The following WDR72 variants were observed in gnomAD, a reference collection of about 807,000 sequenced individuals.
The protein encoded by WDR72 is WD repeat domain 72, also known as WD repeat-containing protein 72.
Under a neutral mutation model 124.2 loss-of-function variants are expected in WDR72, and 120 were observed. The observed-to-expected ratio is 0.97, with a 90% CI of 0.83 to 1.12. WDR72 has a LOEUF of 1.12. Ranked by LOEUF, WDR72 falls within the 50% of genes most tolerant of loss-of-function variation. WDR72 has a pLI of 0.00. For missense variants in WDR72, 1,387 were observed against 1,278.8 expected, an observed-to-expected ratio of 1.08 and a Z score of -1.29; for synonymous variants, 452 against 441.7, an observed-to-expected ratio of 1.02 and a Z score of -0.29.
chr15:53,587,609 G>A (rs1469291289), intron 18 of WDR72, among the ~76,000 whole-genome samples: 1 of 151,976 alleles, frequency 6.6e-6, no homozygotes, highest in Admixed American at 6.6e-5. Flanking sequence ...AGATTTTCAA[G>A]GGAGCATTAC....
chr15:53,581,652 A>C (rs1169045987), intron 18 of WDR72, among the ~76,000 whole-genome samples: 1 of 152,072 alleles, frequency 6.6e-6, no homozygotes, highest in Non-Finnish European at 1.5e-5. Context: ...AGAAGATCCC[A>C]TATGAAGATG....
At chr15:53,710,832 G>A (rs751292108) in intron 9 of WDR72, 25 bp downstream of exon 9, 43 of 1,545,248 alleles carry the variant, frequency 2.8e-5, no homozygotes, top group African/African-American at 2.7e-5. Context: ...ACAGCTTTGA[G>A]GCAGTCACTC....
chr15:53,697,844 T>C (rs920328573), intron 13 of WDR72, among the ~76,000 whole-genome samples: 1 of 152,202 alleles, frequency 6.6e-6, no homozygotes, highest in Non-Finnish European at 1.5e-5. Flanking sequence ...AGACTCGCTC[T>C]GTCGCCCAGG....
chr15:53,756,185 G>A (rs2018899016), intron 1 of WDR72, among the ~76,000 whole-genome samples: 1 of 152,118 alleles, frequency 6.6e-6, no homozygotes, highest in Non-Finnish European at 1.5e-5. Context: ...GAATCATGAG[G>A]ATGGTTTCCC....
intron 1 of WDR72, among the ~76,000 whole-genome samples, chr15:53,758,706 A>G (rs1411575195): frequency 2.8e-5 from 4 of 141,806 alleles, no homozygotes; most frequent in African/African-American, 1.0e-4. Context: ...TCAGGTAAAA[A>G]GATCCCCAAC....
At chr15:53,669,613 T>C (rs1276825768) in intron 13 of WDR72, among the ~76,000 whole-genome samples, 2 of 152,180 alleles carry the variant, frequency 1.3e-5, no homozygotes, top group African/African-American at 4.8e-5. Flanking sequence ...CTATGACAAA[T>C]CACTTATGAT....
rs373078359 is a variant in WDR72 at position 53,673,597 on chromosome 15, A to G, written c.1766-7829T>C. The stretch of plus-strand genomic sequence containing the variant: ...AAGCACATATATTGTAAACCAATGA[A>G]TCTCAAACAAATTTGTTTCATAGAA... On this transcript the variant is annotated intron_variant, in intron 13 of 19. Coordinates refer to ENST00000360509, the MANE Select transcript of WDR72 (RefSeq NM_182758.4). Among the ~76,000 whole-genome samples the G allele has an allele frequency of 4.7e-4, 71 of 152,354 alleles. No individual in the cohort carries two copies. The East Asian group carries it at 0.011, about 24-fold the overall frequency.
intron 14 of WDR72, among the ~76,000 whole-genome samples, chr15:53,646,754 G>T (rs915160833): frequency 2.6e-5 from 4 of 151,914 alleles, no homozygotes; most frequent in Middle Eastern, 3.4e-3. Context: ...TCCTCTCTAG[G>T]AACTGAAATA....
In WDR72 at chr15:53,615,944, A is replaced by ATCTCCTTGGGCCAGGCTT; in HGVS notation, c.2244_2261dup (p.Glu748_Gly753dup). On this transcript the variant is annotated inframe_insertion, in exon 15 of 20. Coordinates refer to ENST00000360509, the MANE Select transcript of WDR72 (RefSeq NM_182758.4). ...TTTCTTCTGAGAATTTGATGGTATT[A>ATCTCCTTGGGCCAGGCTT]TCTCCTTGGGCCAGGCTTTCAGTAA... 6.2e-7 allele frequency: 1 copy of ATCTCCTTGGGCCAGGCTT among 1,613,396 alleles called. No individual in the cohort carries two copies. The highest frequency in any genetic ancestry group is 8.5e-7 in the Non-Finnish European group (1 of 1,179,646).
At chr15:53,738,811 T>G (rs920310708) in intron 1 of WDR72, among the ~76,000 whole-genome samples, 6 of 152,192 alleles carry the variant, frequency 3.9e-5, no homozygotes, top group African/African-American at 1.2e-4. Context: ...TTCACCTTGT[T>G]GGCGAAGCTG....
intron 18 of WDR72, among the ~76,000 whole-genome samples, chr15:53,550,696 G>T (rs1337636662): frequency 6.6e-6 from 1 of 152,172 alleles, no homozygotes; most frequent in Non-Finnish European, 1.5e-5. Flanking sequence ...TTAGAGACTT[G>T]CTCAGATAAA....
chr15:53,720,655 CTG>C (rs1202016918), intron 3 of WDR72, among the ~76,000 whole-genome samples: 1 of 152,172 alleles, frequency 6.6e-6, no homozygotes, highest in Non-Finnish European at 1.5e-5. Flanking sequence ...GATTTCACTG[CTG>C]TCATTACAGT....
intron 1 of WDR72, among the ~76,000 whole-genome samples, chr15:53,758,699 G>T (rs1292660652): frequency 7.7e-6 from 1 of 129,994 alleles, no homozygotes; most frequent in Non-Finnish European, 1.5e-5. Context: ...AAACACTTCA[G>T]GTAAAAAGAT....
intron 13 of WDR72, among the ~76,000 whole-genome samples, chr15:53,668,935 G>GAGGGGGAGGAGC (rs2015877095): frequency 2.3e-5 from 1 of 43,254 alleles, no homozygotes; most frequent in African/African-American, 5.0e-5. Context: ...GAAGGAGGAG[G>GAGGGGGAGGAGC]AGGAGGAGGA....
chr15:53,573,397 G>T (rs746388748), intron 18 of WDR72, among the ~76,000 whole-genome samples: 5 of 151,962 alleles, frequency 3.3e-5, no homozygotes, highest in Non-Finnish European at 5.9e-5. Context: ...AATAATCTTG[G>T]AGTCTAATTC....
chr15:53,659,068 A>C lies in WDR72; in HGVS notation c.1962+6504T>G, dbSNP rs796818842. Among the ~76,000 whole-genome samples the C allele has an allele frequency of 9.8e-5, 15 of 152,306 alleles. 1 individual carries two copies. The highest frequency in any genetic ancestry group is 3.6e-4 in the African/African-American group (15 of 41,574). ...AGTATCCTAACAATACACTATTCAA[A>C]TGGCACTTTGCCACACAAATTGCTG... On this transcript the variant is annotated intron_variant, in intron 14 of 19. Transcript: ENST00000360509.
At chr15:53,639,300 C>T (rs2014743667) in intron 14 of WDR72, among the ~76,000 whole-genome samples, 1 of 151,908 alleles carries the variant, frequency 6.6e-6, no homozygotes, top group Non-Finnish European at 1.5e-5. Context: ...CAGCCGCAGT[C>T]CCTGGAGCAG....
intron 13 of WDR72, among the ~76,000 whole-genome samples, chr15:53,691,123 C>G (rs1196105373): frequency 6.6e-6 from 1 of 152,130 alleles, no homozygotes; most frequent in Non-Finnish European, 1.5e-5. Flanking sequence ...GATTACAGCT[C>G]ACTGCAGCCT....
Position 53,702,223 on chromosome 15 carries a change from A to G in WDR72, c.1480T>C (p.Trp494Arg), listed in dbSNP as rs1397237137. Residue 494 changes from tryptophan (W) to arginine (R), a missense_variant, in exon 12 of 20, where the codon TGG (tryptophan) becomes CGG (arginine). Physicochemically the swap from Trp to Arg is moderately radical, Grantham distance 101 (BLOSUM62 -3). Coordinates refer to ENST00000360509, the MANE Select transcript of WDR72 (RefSeq NM_182758.4). ...AAAATTTCTTCAGTAAAGATATCCC[A>G]CAAGATCACACATGAGTCCAGGTCC... The part of the protein sequence containing the change: ...SGDLDSCVIL[W>R]DIFTEEILHK... 1 of 1,614,040 alleles carries G rather than the reference A, an allele frequency of 6.2e-7. No individual in the cohort carries two copies. Among genetic ancestry groups the G allele is most frequent in the Non-Finnish European group, 8.5e-7 (1 of 1,180,034 alleles).
Sources: allele counts gnomAD v4.1 joint callset (sites outside exome capture counted in the v4.1 genomes callset), GRCh38; gene constraint gnomAD v4.1.1; transcripts MANE v1.5; gene names NCBI Gene and HGNC (gene_info 2026-07-23, HGNC 2026-07-21).